The following NSL1 variants were observed in gnomAD, a reference collection of about 807,000 sequenced individuals.
NSL1 encodes kinetochore-associated protein NSL1 homolog.
In NSL1, 11 loss-of-function variants were observed where a neutral mutation model predicts 25.4. That is an observed-to-expected ratio of 0.43 (90% CI 0.27 to 0.72). NSL1 has a LOEUF of 0.72. Among genes scored for constraint, NSL1 ranks in the 30% least tolerant of loss-of-function variants. The pLI, the probability that NSL1 is intolerant of heterozygous loss-of-function variation, is 0.19. For synonymous variants in NSL1, 118 were observed against 120.6 expected (o/e 0.98, Z 0.14); for missense variants, 330 against 342.7 (o/e 0.96, Z 0.29).
chr1:212,751,898 T>TA (rs1659081640), intron 4 of NSL1, among the ~76,000 whole-genome samples: 2 of 152,196 alleles, frequency 1.3e-5, no homozygotes, highest in South Asian at 4.1e-4. Context: ...ATTTTGCAAC[T>TA]AGTAAGATCA....
In NSL1 at chr1:212,730,897, G is replaced by C. The variant is rs1424610115; in HGVS notation, c.*7511C>G. On this transcript the variant is annotated 3_prime_UTR_variant, in exon 6 of 6. Transcript: ENST00000366977. ...AATGCCACAAGCCATTAATGTGTGA[G>C]ATTGTGATCCAGGGAAACCGACAAG... 1 of 985,280 alleles carries C rather than the reference G, an allele frequency of 1.0e-6. No homozygotes were observed. Among genetic ancestry groups the C allele is most frequent in the African/African-American group, 1.7e-5 (1 of 57,210 alleles). 61.0% of individuals were successfully genotyped at this position (985,280 alleles called of 1,614,324 possible).
chr1:212,761,983 A>T (rs1195756321), intron 4 of NSL1, among the ~76,000 whole-genome samples: 1 of 151,734 alleles, frequency 6.6e-6, no homozygotes, highest in Non-Finnish European at 1.5e-5. Flanking sequence ...AAAAAAAAAA[A>T]AAAAAAAAAA....
rs1260453556 is a variant in NSL1 at position 212,727,482 on chromosome 1, ACGATTC to A, written c.*10920_*10925del. 1.0e-6 allele frequency: 1 copy of A among 985,294 alleles called. No homozygotes were observed. Among genetic ancestry groups the A allele is most frequent in the Admixed American group, 6.1e-5 (1 of 16,264 alleles). The allele number at this position is 985,294 out of a possible 1,614,324, so 61.0% of individuals were successfully genotyped here. ...CAATTTCAAGCAGCAGTCAACTAAA[ACGATTC>A]CTTTTGCAATTTAGGTTAATATCAT... On this transcript the variant is annotated 3_prime_UTR_variant, in exon 6 of 6. Transcript: ENST00000366977.
intron 4 of NSL1, among the ~76,000 whole-genome samples, chr1:212,779,153 C>G (rs1182373594): frequency 6.6e-6 from 1 of 150,624 alleles, no homozygotes; most frequent in African/African-American, 2.4e-5. Flanking sequence ...AAATGAGGAG[C>G]CCCTCCGCCC....
Position 212,729,618 on chromosome 1 carries a change from T to C in NSL1, c.*8790A>G. The C allele has an allele frequency of 2.0e-6, 2 of 985,398 alleles. No individual in the cohort carries two copies. Among genetic ancestry groups the C allele is most frequent in the Non-Finnish European group, 2.4e-6 (2 of 829,936 alleles). 61.0% of individuals were successfully genotyped at this position (985,398 alleles called of 1,614,324 possible). ...GGATCAGAGGCAGGCACACAGGGCA[T>C]AGACAGAATATGACAAGTCAGAGAG... On this transcript the variant is annotated 3_prime_UTR_variant, in exon 6 of 6. Coordinates refer to ENST00000366977, the MANE Select transcript of NSL1 (RefSeq NM_015471.4).
chr1:212,791,673 T>G lies in NSL1; in HGVS notation c.91A>C (p.Thr31Pro), dbSNP rs1661287914. Residue 31 changes from threonine (T) to proline (P), a missense_variant, in exon 1 of 6, where the codon ACT becomes CCT. Transcript: ENST00000366977. ...GTESQALVSA[T>P]PREDFRVRCT... ...CGCACCCGAAAGTCTTCTCGGGGAG[T>G]GGCGGAGACCAAGGCCTGGCTCTCT... is the stretch of plus-strand genomic sequence containing the variant. 6.2e-7 allele frequency: 1 copy of G among 1,613,650 alleles called. No individual in the cohort carries two copies. The highest frequency in any genetic ancestry group is 1.3e-5 in the African/African-American group (1 of 74,822).
At chr1:212,738,716 A>G (rs1423874389) in intron 5 of NSL1, 30 bp from the exon 6 acceptor site, 4 of 1,562,932 alleles carry the variant, frequency 2.6e-6, no homozygotes, top group South Asian at 1.1e-5. Context: ...AATATTCAAC[A>G]TTAATCTCAG....
intron 4 of NSL1, among the ~76,000 whole-genome samples, chr1:212,765,620 A>G (rs888971597): frequency 5.3e-5 from 8 of 152,112 alleles, no homozygotes; most frequent in African/African-American, 1.7e-4. Context: ...CAGGAATTTG[A>G]GACCAGCCTG....
intron 4 of NSL1, among the ~76,000 whole-genome samples, chr1:212,762,122 A>G (rs1373155230): frequency 2.0e-5 from 3 of 152,006 alleles, no homozygotes; most frequent in African/African-American, 7.2e-5. Flanking sequence ...ACATGGTGAA[A>G]CCATGTCTCT....
intron 4 of NSL1, among the ~76,000 whole-genome samples, chr1:212,757,607 G>T (rs907894770): frequency 1.3e-5 from 2 of 152,160 alleles, no homozygotes; most frequent in African/African-American, 4.8e-5. Context: ...AAGAGATGGA[G>T]CAAGGATGTG....
chr1:212,727,133 C>G lies in NSL1; in HGVS notation c.*11275G>C. 6.3e-7 allele frequency: 1 copy of G among 1,575,172 alleles called. No homozygotes were observed. The highest frequency in any genetic ancestry group is 8.6e-7 in the Non-Finnish European group (1 of 1,160,550). The stretch of plus-strand genomic sequence containing the variant: ...AGAAGGGATGAAGGTTCCCCGATCC[C>G]CTTCTCTCCTAAACTGCCCCTAGAG... On this transcript the variant is annotated 3_prime_UTR_variant, in exon 6 of 6. Transcript: ENST00000366977.
Position 212,726,767 on chromosome 1 carries a change from G to A in NSL1, c.*11641C>T. ...GAGTGATTGGGTCACTCTCCATGGT[G>A]TCCATGAGAGGCTGCCAGCCACCTC... On this transcript the variant is annotated 3_prime_UTR_variant, in exon 6 of 6. Coordinates refer to ENST00000366977, the MANE Select transcript of NSL1 (RefSeq NM_015471.4). The A allele has an allele frequency of 5.1e-6, 1 of 197,976 alleles. No individual in the cohort carries two copies. Among genetic ancestry groups the A allele is most frequent in the Non-Finnish European group, 1.0e-5 (1 of 97,048 alleles). 12.3% of individuals were successfully genotyped at this position (197,976 alleles called of 1,614,324 possible). A position where few individuals can be genotyped will look rare whatever the true frequency, so the allele number is the denominator to read the frequency against.
chr1:212,791,461 C>T, intron 1 of NSL1, 69 bp downstream of exon 1: 1 of 1,417,346 alleles, frequency 7.1e-7, no homozygotes, highest in Non-Finnish European at 9.8e-7. Flanking sequence ...TGGGATCTTT[C>T]TGAATCCTAA....
intron 4 of NSL1, among the ~76,000 whole-genome samples, chr1:212,768,442 T>C (rs1223949377): frequency 6.6e-6 from 1 of 150,872 alleles, no homozygotes; most frequent in East Asian, 1.9e-4. Flanking sequence ...TGCACACACA[T>C]GTTTATAACA....
At position 212,738,026 on chromosome 1, in the gene NSL1, T is replaced by C. The variant is rs200951152; in HGVS notation, c.*382A>G. 4.4e-4 allele frequency: 83 copies of C among 190,694 alleles called. No individual in the cohort carries two copies. In the Admixed American group the frequency reaches 5.1e-3, roughly 12 times the overall value. 11.8% of individuals were successfully genotyped at this position (190,694 alleles called of 1,614,324 possible). A position where few individuals can be genotyped will look rare whatever the true frequency, so the allele number is the denominator to read the frequency against. On this transcript the variant is annotated 3_prime_UTR_variant, in exon 6 of 6. Transcript: ENST00000366977. ...AAAATCATTATACAGCTCTCTCTCT[T>C]TTTTTTTTTTTTCCTAGAAAGATGT...
rs1442527588 is a variant in NSL1, at chr1:212,791,621, T to G, written c.143A>C (p.Glu48Ala). 3.7e-6 allele frequency: 6 copies of G among 1,613,880 alleles called. No homozygotes were observed. Among genetic ancestry groups the G allele is most frequent in the Admixed American group, 1.7e-5 (1 of 60,024 alleles). Residue 48 changes from glutamate (E) to alanine (A), a missense_variant, in exon 1 of 6, where the codon GAA (glutamate) becomes GCA (alanine). Transcript: ENST00000366977. ...VRCTSKRAVTEMLQLCGRFVQ... is the reference protein window; with the variant it reads ...VRCTSKRAVTAMLQLCGRFVQ... ...GAAGCGGCCGCACAGTTGTAGCATT[T>G]CGGTCACAGCCCGCTTCGAGGTGCA...
intron 4 of NSL1, among the ~76,000 whole-genome samples, chr1:212,779,721 C>T (rs1192079934): frequency 2.5e-5 from 2 of 80,666 alleles, no homozygotes; most frequent in Admixed American, 1.1e-4. Flanking sequence ...CCGCCCCATC[C>T]GGGAGGGAGG....
rs540599916 is a variant in NSL1 at position 212,779,086 on chromosome 1, C to T, written c.499+3286G>A. The stretch of plus-strand genomic sequence containing the variant: ...CTAGGAAGTGAGGAGCGTCTCTGCC[C>T]GGCCGCCCCGTCTGAGAAGTGAGGA... On this transcript the variant is annotated intron_variant, in intron 4 of 5. Transcript: ENST00000366977. 3.2e-3 allele frequency among the ~76,000 whole-genome samples: 484 copies of T among 151,448 alleles called. 3 individuals are homozygous for T. Among genetic ancestry groups the T allele is most frequent in the Non-Finnish European group, 5.1e-3 (347 of 67,760 alleles).
rs148420903 is a variant in NSL1, at chr1:212,770,153, A to G, written c.499+12219T>C. Among the ~76,000 whole-genome samples the G allele has an allele frequency of 3.5e-3, 532 of 152,318 alleles. 7 individuals carry two copies. The highest frequency in any genetic ancestry group is 0.012 in the African/African-American group (509 of 41,574). On this transcript the variant is annotated intron_variant, in intron 4 of 5. Transcript: ENST00000366977. ...TTCAGAAAGAGGATATAATAATTCT[A>G]AATATATATGTACCCAACACTAGAG...
Sources: allele counts gnomAD v4.1 joint callset (sites outside exome capture counted in the v4.1 genomes callset), GRCh38; gene constraint gnomAD v4.1.1; transcripts MANE v1.5; gene names NCBI Gene and HGNC (gene_info 2026-07-23, HGNC 2026-07-21).